FARS2: variants seen among roughly 807,000 people sequenced by gnomAD.
The protein encoded by FARS2 is phenylalanine--tRNA ligase, mitochondrial.
Under a neutral mutation model 46.4 loss-of-function variants are expected in FARS2, and 40 were observed. The ratio of observed to expected loss-of-function variants is 0.86; its 90% CI spans 0.67 to 1.12. FARS2 has a LOEUF of 1.12. Among genes scored for constraint, FARS2 ranks in the 50% most tolerant of loss-of-function variants. FARS2 has a pLI of 0.00. For missense variants in FARS2, 513 were observed against 567.9 expected (o/e 0.90, Z 0.98); for synonymous variants, 234 against 214.9 (o/e 1.09, Z -0.78).
At position 5,503,395 on chromosome 6, in the gene FARS2, CACACACACACAGAGAG is replaced by C. The variant is rs1373870190; in HGVS notation, c.905-41783_905-41768del. On this transcript the variant is annotated intron_variant, in intron 4 of 6. Coordinates refer to ENST00000274680, the MANE Select transcript of FARS2 (RefSeq NM_006567.5). Reference sequence around the variant, plus strand: ...CTTAACACACACACACACACACACACACACACACACAGAGAGAGAGAGAGAGAGAGAGAGAGAGATA... The same window carrying C: ...CTTAACACACACACACACACACACACAGAGAGAGAGAGAGAGAGAGAGATA... Among the ~76,000 whole-genome samples, 140 of 70,442 alleles carry C rather than the reference CACACACACACAGAGAG, an allele frequency of 2.0e-3. 2 individuals are homozygous for C. Among genetic ancestry groups the C allele is most frequent in the African/African-American group, 0.01 (135 of 13,206 alleles). 46.2% of individuals were successfully genotyped at this position (70,442 alleles called of 152,430 possible). A position where few individuals can be genotyped will look rare whatever the true frequency, so the allele number is the denominator to read the frequency against.
intron 1 of FARS2, among the ~76,000 whole-genome samples, chr6:5,360,973 C>T (rs981344035): frequency 1.5e-4 from 23 of 151,904 alleles, no homozygotes; most frequent in East Asian, 1.9e-4. Flanking sequence ...TGAAACTTGG[C>T]GAGATAGGAC....
chr6:5,433,088 A>G (rs1763321089), intron 4 of FARS2, among the ~76,000 whole-genome samples: 1 of 152,186 alleles, frequency 6.6e-6, no homozygotes, highest in Non-Finnish European at 1.5e-5. Flanking sequence ...GAGGGAGCAC[A>G]GAGGTTGACA....
intron 6 of FARS2, among the ~76,000 whole-genome samples, chr6:5,728,173 GATAGTTTCCTGAGAAACTTAA>G (rs1760386561): frequency 6.6e-6 from 1 of 152,196 alleles, no homozygotes; most frequent in Non-Finnish European, 1.5e-5. Flanking sequence ...CGATCACAGG[GATAGTTTCCTGAGAAACTTAA>G]ATGGAGGAAT....
At chr6:5,381,910 G>A (rs1325426675) in intron 2 of FARS2, among the ~76,000 whole-genome samples, 2 of 152,184 alleles carry the variant, frequency 1.3e-5, no homozygotes, top group Non-Finnish European at 2.9e-5. Context: ...AGGGCTGGGA[G>A]CATTCCTAAG....
At chr6:5,314,334 T>A (rs1238487383) in intron 1 of FARS2, among the ~76,000 whole-genome samples, 2 of 151,906 alleles carry the variant, frequency 1.3e-5, no homozygotes, top group Non-Finnish European at 2.9e-5. Context: ...GTGTGATGGA[T>A]GGGACAGGTG....
At position 5,638,541 on chromosome 6, in the gene FARS2, C is replaced by G. The variant is rs544632479; in HGVS notation, c.1217+25221C>G. ...GATCGTGCCACTGCACTCCAGCCTG[C>G]CTGACAGAGCGAGACTCTGTCTCAA... On this transcript the variant is annotated intron_variant, in intron 6 of 6. Coordinates refer to ENST00000274680, the MANE Select transcript of FARS2 (RefSeq NM_006567.5). Among the ~76,000 whole-genome samples, 7 of 152,272 alleles carry G rather than the reference C, an allele frequency of 4.6e-5. No homozygotes were observed. In the East Asian group the frequency reaches 1.4e-3, roughly 29 times the overall value.
At chr6:5,416,979 G>A (rs1762276647) in intron 3 of FARS2, among the ~76,000 whole-genome samples, 1 of 152,090 alleles carries the variant, frequency 6.6e-6, no homozygotes, top group Non-Finnish European at 1.5e-5. Context: ...TTGAATAGTT[G>A]ATCAGCTTTT....
At chr6:5,474,695 CTG>C (rs1257480068) in intron 4 of FARS2, among the ~76,000 whole-genome samples, 1 of 142,032 alleles carries the variant, frequency 7.0e-6, no homozygotes, top group Non-Finnish European at 1.5e-5. Context: ...CAGTCTCACT[CTG>C]TCGCCCCGGC....
chr6:5,479,621 A>G (rs1228315592), intron 4 of FARS2, among the ~76,000 whole-genome samples: 1 of 152,380 alleles, frequency 6.6e-6, no homozygotes, highest in Non-Finnish European at 1.5e-5. Context: ...ATAACTTCTT[A>G]TAACAAATGC....
At chr6:5,275,607 C>A (rs1359190035) in intron 1 of FARS2, among the ~76,000 whole-genome samples, 1 of 152,032 alleles carries the variant, frequency 6.6e-6, no homozygotes, top group Non-Finnish European at 1.5e-5. Flanking sequence ...ATTTCTGCAT[C>A]TTTCATCCTC....
intron 1 of FARS2, among the ~76,000 whole-genome samples, chr6:5,349,204 C>T (rs1483756065): frequency 6.6e-6 from 1 of 152,042 alleles, no homozygotes. Flanking sequence ...TATGTGGAAA[C>T]CAAAATTCCA....
chr6:5,327,255 A>G, intron 1 of FARS2, among the ~76,000 whole-genome samples: 1 of 152,376 alleles, frequency 6.6e-6, no homozygotes, highest in East Asian at 1.9e-4. Flanking sequence ...TAATTCTGCT[A>G]TTCAATACAA....
At chr6:5,377,935 T>C (rs1183936299) in intron 2 of FARS2, among the ~76,000 whole-genome samples, 3 of 152,126 alleles carry the variant, frequency 2.0e-5, no homozygotes, top group African/African-American at 7.2e-5. Context: ...ATATATAACC[T>C]TACACCTTAA....
intron 3 of FARS2, among the ~76,000 whole-genome samples, chr6:5,418,366 T>C (rs1287181449): frequency 1.3e-5 from 2 of 152,254 alleles, no homozygotes; most frequent in African/African-American, 4.8e-5. Flanking sequence ...AACACTTTGA[T>C]CCATTTAGGT....
In FARS2 at chr6:5,553,595, A is replaced by AT. The variant is rs778384957; in HGVS notation, c.1065+8265dup. Among the ~76,000 whole-genome samples, 204 of 150,946 alleles carry AT rather than the reference A, an allele frequency of 1.4e-3. 2 individuals carry two copies. Among genetic ancestry groups the AT allele is most frequent in the African/African-American group, 4.3e-3 (178 of 41,202 alleles). ...GATTATTCAGAGCCGAAGGATTTAA[A>AT]TTTTTTTTTTAACAAATCTAAAAAT... On this transcript the variant is annotated intron_variant, in intron 5 of 6. Coordinates refer to ENST00000274680, the MANE Select transcript of FARS2 (RefSeq NM_006567.5).
intron 2 of FARS2, among the ~76,000 whole-genome samples, chr6:5,375,075 G>A (rs532948876): frequency 1.3e-5 from 2 of 152,112 alleles, no homozygotes; most frequent in East Asian, 3.9e-4. Flanking sequence ...GTAAATTCTA[G>A]CTTATGCAGT....
chr6:5,382,535 G>C (rs983672994), intron 2 of FARS2, among the ~76,000 whole-genome samples: 1 of 152,148 alleles, frequency 6.6e-6, no homozygotes, highest in East Asian at 1.9e-4. Flanking sequence ...TTTACACACA[G>C]TAAAGTCATC....
intron 4 of FARS2, among the ~76,000 whole-genome samples, chr6:5,438,490 A>G (rs184451124): frequency 1.3e-5 from 2 of 150,702 alleles, no homozygotes; most frequent in East Asian, 3.9e-4. Context: ...ATCACCAAAT[A>G]TATTTTTATT....
chr6:5,499,055 G>A (rs12203726), intron 4 of FARS2, among the ~76,000 whole-genome samples: 33,560 of 152,062 alleles, frequency 0.22, 5,030 homozygotes, highest in Non-Finnish European at 0.33. Context: ...GCACCACCAC[G>A]CCCAGCAAAT....
Sources: gnomAD v4.1 joint callset for allele counts (sites outside exome capture counted in the v4.1 genomes callset) on GRCh38, gnomAD v4.1.1 for gene constraint, MANE v1.5 for transcripts, NCBI Gene and HGNC (gene_info 2026-07-23, HGNC 2026-07-21) for gene names.